Variants in ESPN observed in about 807,000 individuals in gnomAD.
ESPN encodes the protein autosomal recessive deafness type 36 protein.
In ESPN, 68 loss-of-function variants were observed where a neutral mutation model predicts 77.7. The ratio of observed to expected loss-of-function variants is 0.87; its 90% CI spans 0.72 to 1.07. The LOEUF (loss-of-function observed/expected upper bound fraction) is 1.07, where lower values mean the gene tolerates loss of function less well. Ranked by LOEUF, ESPN falls within the 50% of genes least tolerant of loss-of-function variation. ESPN has a pLI of 0.00. For missense variants in ESPN, 1,060 were observed against 1,239.0 expected, an observed-to-expected ratio of 0.86 and a Z score of 2.17; for synonymous variants, 449 against 567.1, an observed-to-expected ratio of 0.79 and a Z score of 2.96.
chr1:6,443,788 G>A (rs1643730253), intron 5 of ESPN, among the ~76,000 whole-genome samples: 1 of 152,250 alleles, frequency 6.6e-6, no homozygotes, highest in African/African-American at 2.4e-5. Context: ...GGGCAAGGAG[G>A]AGCAGGCCTG....
Position 6,427,552 on chromosome 1 carries a change from C to T in ESPN, c.295-674C>T, listed in dbSNP as rs139223383. On this transcript the variant is annotated intron_variant, in intron 1 of 12. Coordinates refer to ENST00000645284, the MANE Select transcript of ESPN (RefSeq NM_031475.3). The surrounding 1 kb of genome is among the most constrained non-coding windows in gnomAD (Gnocchi z 4.6). ...ACCTAGCACCCCTGGCTGACTGCCC[C>T]GGACCCGCCCACCAGTACCCAGCAA... is the stretch of plus-strand genomic sequence containing the variant. Among the ~76,000 whole-genome samples the T allele has an allele frequency of 3.9e-4, 60 of 152,306 alleles. No homozygotes were observed. Among genetic ancestry groups the T allele is most frequent in the Admixed American group, 1.2e-3 (19 of 15,304 alleles).
In ESPN at chr1:6,425,024, C is replaced by A; in HGVS notation, c.69C>A (p.Ala23=). The A allele has an allele frequency of 6.8e-7, 1 of 1,471,090 alleles. No individual in the cohort carries two copies. Among genetic ancestry groups the A allele is most frequent in the Non-Finnish European group, 8.9e-7 (1 of 1,118,006 alleles). 91.1% of individuals were successfully genotyped at this position (1,471,090 alleles called of 1,614,324 possible). Residue 23 remains alanine, a synonymous_variant, in exon 1 of 13, where the codon GCC becomes GCA. Transcript: ENST00000645284. ...GELDVLRSLH[A]AGLLGPSLRD... ...TGGACGTGCTGAGGTCGCTGCACGC[C>A]GCAGGCCTCCTGGGGCCCTCGCTGC...
rs555468397 is a variant in ESPN, at chr1:6,448,598, C to A, written c.1465-43C>A. 70 of 1,520,644 alleles carry A rather than the reference C, an allele frequency of 4.6e-5. No homozygotes were observed. The African/African-American group carries it at 8.6e-4, about 19-fold the overall frequency. The allele number at this position is 1,520,644 out of a possible 1,614,324, so 94.2% of individuals were successfully genotyped here. A position where few individuals can be genotyped will look rare whatever the true frequency, so the allele number is the denominator to read the frequency against. ...GGTGGGGAGGCGTGGGGGGCGCCTA[C>A]CGGGCAGGTGCCCGAGCCCCACCGG... On this transcript the variant is annotated intron_variant, in intron 7 of 12. Coordinates refer to ENST00000645284, the MANE Select transcript of ESPN (RefSeq NM_031475.3).
chr1:6,450,702 G>C lies in ESPN; in HGVS notation c.1916-901G>C, dbSNP rs1216298802. ...CTGATGGTTTTGCCTAAATAAATGA[G>C]CCAGCCACACCGATTTTCCCTTTCT... On this transcript the variant is annotated intron_variant, in intron 8 of 12. Coordinates refer to ENST00000645284, the MANE Select transcript of ESPN (RefSeq NM_031475.3). The surrounding 1 kb of genome is among the most constrained non-coding windows in gnomAD (Gnocchi z 4.3). Among the ~76,000 whole-genome samples the C allele has an allele frequency of 6.6e-6, 1 of 151,974 alleles. No homozygotes were observed. Among genetic ancestry groups the C allele is most frequent in the Non-Finnish European group, 1.5e-5 (1 of 67,992 alleles).
chr1:6,452,517 A>C (rs1569732928), intron 10 of ESPN, among the ~76,000 whole-genome samples: 1 of 151,756 alleles, frequency 6.6e-6, no homozygotes. Context: ...CTCCACACAC[A>C]CCCCCACCAG....
At position 6,452,050 on chromosome 1, in the gene ESPN, G is replaced by T. The variant is rs371306949; in HGVS notation, c.2279G>T (p.Arg760Leu). 8.3e-6 allele frequency: 13 copies of T among 1,572,422 alleles called. No homozygotes were observed. In the African/African-American group the frequency reaches 1.8e-4, roughly 21 times the overall value. ...IPEWKRQVMVRKMQLKMQEEE... is the reference protein window; with the variant it reads ...IPEWKRQVMVLKMQLKMQEEE... The stretch of plus-strand genomic sequence containing the variant: ...GAGTGGAAGCGCCAGGTGATGGTGC[G>T]CAAGATGCAGCTGAAGATGCAGGAG... Residue 760 changes from arginine to leucine, a missense_variant, in exon 10 of 13, where the codon CGC (arginine) becomes CTC (leucine). This residue lies in a region of ESPN where 374 missense variants were observed against 381.4 expected (regional missense o/e 0.98). Transcript: ENST00000645284.
intron 2 of ESPN, among the ~76,000 whole-genome samples, chr1:6,435,321 CCCGGGTCTGGCCCCA>C (rs111354493): frequency 0.075 from 11,431 of 152,258 alleles, 472 homozygotes; most frequent in Non-Finnish European, 0.086. Flanking sequence ...CATTCTTCAG[CCCGGGTCTGGCCCCA>C]TGGGCAGCTC....
chr1:6,459,245 A>G (rs897264414), intron 12 of ESPN, among the ~76,000 whole-genome samples: 2 of 83,564 alleles, frequency 2.4e-5, no homozygotes, highest in African/African-American at 2.5e-4. Context: ...TGTCTCAATT[A>G]AAAAAAAAAA....
rs1235959498 is a variant in ESPN, at chr1:6,436,409, G to A, written c.489-3845G>A. Among the ~76,000 whole-genome samples, 3 of 152,222 alleles carry A rather than the reference G, an allele frequency of 2.0e-5. No individual in the cohort carries two copies. In the South Asian group the frequency reaches 6.2e-4, roughly 32 times the overall value. The stretch of plus-strand genomic sequence containing the variant: ...AGACAGAGTAATCATTCAGTAAATG[G>A]TGGCTGCTATCACTATTATTATTTA... On this transcript the variant is annotated intron_variant, in intron 2 of 12. Coordinates refer to ENST00000645284, the MANE Select transcript of ESPN (RefSeq NM_031475.3).
At chr1:6,435,390 C>T (rs1288279337) in intron 2 of ESPN, among the ~76,000 whole-genome samples, 5 of 152,232 alleles carry the variant, frequency 3.3e-5, no homozygotes, top group Non-Finnish European at 7.3e-5. Flanking sequence ...CCAGTCTCCG[C>T]CGGAGATTCC....
Position 6,445,921 on chromosome 1 carries a change from G to T in ESPN, c.1450G>T (p.Ala484Ser), listed in dbSNP as rs778336312. ...KNKLRHVETE[A>S]LKKELSSCDG... ...CAAACTCCGCCACGTGGAGACAGAGGCCCTCAAGAAGGAGGTAGTGAGCCC... is the reference window on the plus strand; with the variant it reads ...CAAACTCCGCCACGTGGAGACAGAGTCCCTCAAGAAGGAGGTAGTGAGCCC... The change falls in exon 7 of 13, where the codon GCC becomes TCC. Residue 484 changes from alanine to serine, a missense_variant. Coordinates refer to ENST00000645284, the MANE Select transcript of ESPN (RefSeq NM_031475.3). 6.2e-7 allele frequency: 1 copy of T among 1,612,548 alleles called. No homozygotes were observed. The highest frequency in any genetic ancestry group is 8.5e-7 in the Non-Finnish European group (1 of 1,179,722).
In ESPN at chr1:6,450,379, C is replaced by G; in HGVS notation, c.1916-1224C>G. Reference sequence around the variant, plus strand: ...TGGCCCGCTCCCTGTCCCCTGCTGTCCCAGTCTCATCCTGCCCCCCCTCCC... The same window carrying G: ...TGGCCCGCTCCCTGTCCCCTGCTGTGCCAGTCTCATCCTGCCCCCCCTCCC... On this transcript the variant is annotated intron_variant, in intron 8 of 12. Coordinates refer to ENST00000645284, the MANE Select transcript of ESPN (RefSeq NM_031475.3). The surrounding 1 kb of genome is among the most constrained non-coding windows in gnomAD (Gnocchi z 4.3). 1 of 629,322 alleles carries G rather than the reference C, an allele frequency of 1.6e-6. No individual in the cohort carries two copies. Among genetic ancestry groups the G allele is most frequent in the Non-Finnish European group, 2.0e-6 (1 of 504,228 alleles). 39.0% of individuals were successfully genotyped at this position (629,322 alleles called of 1,614,324 possible). A position where few individuals can be genotyped will look rare whatever the true frequency, so the allele number is the denominator to read the frequency against.
Position 6,444,778 on chromosome 1 carries a change from A to G in ESPN, c.1192+96A>G, listed in dbSNP as rs1196713080. On this transcript the variant is annotated intron_variant, in intron 6 of 12. Coordinates refer to ENST00000645284, the MANE Select transcript of ESPN (RefSeq NM_031475.3). ...GCCTTGGGCCGCCCTGCCACAGCCA[A>G]TATCGGACACTACCCTCATCACTTG... is the stretch of plus-strand genomic sequence containing the variant. 3 of 1,397,168 alleles carry G rather than the reference A, an allele frequency of 2.1e-6. No homozygotes were observed. In the East Asian group the frequency reaches 6.9e-5, roughly 32 times the overall value. 86.5% of individuals were successfully genotyped at this position (1,397,168 alleles called of 1,614,324 possible). A position where few individuals can be genotyped will look rare whatever the true frequency, so the allele number is the denominator to read the frequency against.
Position 6,460,773 on chromosome 1 carries a change from CCGT to C in ESPN, c.*629_*631del, listed in dbSNP as rs555402035. The C allele has an allele frequency of 1.1e-4, 22 of 191,548 alleles. No homozygotes were observed. Among genetic ancestry groups the C allele is most frequent in the Middle Eastern group, 2.6e-3 (1 of 392 alleles). 11.9% of individuals were successfully genotyped at this position (191,548 alleles called of 1,614,324 possible). The stretch of plus-strand genomic sequence containing the variant: ...GCCCCACCTCCCTCAAGTCTGCGCC[CCGT>C]CCCCAGCCAGACCCACTCGCTGCCG... On this transcript the variant is annotated 3_prime_UTR_variant, in exon 13 of 13. Transcript: ENST00000645284.
Position 6,460,739 on chromosome 1 carries a change from C to G in ESPN, c.*593C>G, listed in dbSNP as rs1393503550. ...GGCCGCACTTGTGGCCCCCGGGACC[C>G]CACCTCTGGCCCCACCTCCCTCAAG... On this transcript the variant is annotated 3_prime_UTR_variant, in exon 13 of 13. Coordinates refer to ENST00000645284, the MANE Select transcript of ESPN (RefSeq NM_031475.3). 2.3e-5 allele frequency: 4 copies of G among 174,478 alleles called. No homozygotes were observed. The highest frequency in any genetic ancestry group is 9.6e-5 in the African/African-American group (4 of 41,652). The allele number at this position is 174,478 out of a possible 1,614,324, so 10.8% of individuals were successfully genotyped here. A position where few individuals can be genotyped will look rare whatever the true frequency, so the allele number is the denominator to read the frequency against.
chr1:6,451,779 G>A lies in ESPN; in HGVS notation c.2061+31G>A, dbSNP rs200078159. On this transcript the variant is annotated intron_variant, in intron 9 of 12. Coordinates refer to ENST00000645284, the MANE Select transcript of ESPN (RefSeq NM_031475.3). This position sits in a 1 kb window ranked among gnomAD's most constrained non-coding sequence, Gnocchi z 4.3. ...CGGGCCCAGCAGGAGCCTGCGACCC[G>A]GCTTCCCTGGCCCTAGGCCACCGGG... The A allele has an allele frequency of 7.9e-4, 1,276 of 1,610,138 alleles. 5 individuals are homozygous for A. Among genetic ancestry groups the A allele is most frequent in the Admixed American group, 3.1e-3 (187 of 59,666 alleles).
At chr1:6,436,492 T>C (rs1466602736) in intron 2 of ESPN, among the ~76,000 whole-genome samples, 1 of 151,084 alleles carries the variant, frequency 6.6e-6, no homozygotes, top group Non-Finnish European at 1.5e-5. Context: ...CTTATTTATT[T>C]ATTTATTTAT....
chr1:6,440,470 G>T (rs1643583461), intron 3 of ESPN, 30 bp downstream of exon 3: 1 of 1,512,730 alleles, frequency 6.6e-7, no homozygotes, highest in Non-Finnish European at 8.8e-7. Flanking sequence ...GGGGAGCAGG[G>T]GAGGCGGGGC....
intron 10 of ESPN, among the ~76,000 whole-genome samples, chr1:6,452,930 T>C (rs1643977739): frequency 6.6e-6 from 1 of 151,682 alleles, no homozygotes; most frequent in Admixed American, 6.5e-5. Context: ...TCTCACTCTG[T>C]TACTGAGGCT....
Sources: gnomAD v4.1 joint callset for allele counts (sites outside exome capture counted in the v4.1 genomes callset) on GRCh38, gnomAD v4.1.1 for gene constraint, gnomAD v4.1.1 regional missense constraint, Gnocchi (gnomAD v3.1) non-coding constraint, MANE v1.5 for transcripts, NCBI Gene and HGNC (gene_info 2026-07-23, HGNC 2026-07-21) for gene names.